Variants in NXPE2 observed in about 807,000 individuals in gnomAD.
NXPE2 encodes neurexophilin and PC-esterase domain family member 2, also known as NXPE family member 2.
In NXPE2, 34 loss-of-function variants were observed where a neutral mutation model predicts 34.4. The observed-to-expected ratio is 0.99, with a 90% CI of 0.75 to 1.31. NXPE2 has a LOEUF of 1.31. NXPE2 is among the 40% of genes most tolerant of loss of function. NXPE2 has a pLI of 0.00. For missense variants in NXPE2, 649 were observed against 672.5 expected (o/e 0.97, Z 0.39); for synonymous variants, 235 against 231.3 (o/e 1.02, Z -0.15).
At chr11:114,584,603 G>T in the NXPE2 span, 1 of 158,282 alleles carries the variant, frequency 6.3e-6, no homozygotes, top group Non-Finnish European at 1.4e-5. Flanking sequence ...GAAAAAGAGA[G>T]ACTCAGAGAT....
chr11:114,609,743 C>A, the NXPE2 span, among the ~76,000 whole-genome samples: 1 of 151,928 alleles, frequency 6.6e-6, no homozygotes, highest in East Asian at 1.9e-4. Context: ...TGGATAACCA[C>A]TGTTACCCGG....
chr11:114,582,704 C>T, the NXPE2 span: 6 of 1,614,040 alleles, frequency 3.7e-6, no homozygotes, highest in African/African-American at 8.0e-5. Flanking sequence ...TCCTGGCCCT[C>T]AGGAAATCCC....
At chr11:114,588,196 C>G in the NXPE2 span, among the ~76,000 whole-genome samples, 2 of 152,158 alleles carry the variant, frequency 1.3e-5, no homozygotes, top group Admixed American at 6.5e-5. Flanking sequence ...TCTGGGGCCC[C>G]CTCCAGCTGT....
At chr11:114,565,676 G>C in the NXPE2 span, among the ~76,000 whole-genome samples, 34 of 152,032 alleles carry the variant, frequency 2.2e-4, no homozygotes, top group Non-Finnish European at 4.6e-4. Context: ...AGATTGGAAT[G>C]ACAGGAAAGA....
chr11:114,758,694 T>C, the NXPE2 span, among the ~76,000 whole-genome samples: 3 of 152,040 alleles, frequency 2.0e-5, no homozygotes, highest in Non-Finnish European at 4.4e-5. Context: ...AGATTCCTTC[T>C]AAGGCTCTGA....
chr11:114,686,445 A>G (rs1054372603), intron 2 of NXPE2, among the ~76,000 whole-genome samples: 3 of 152,132 alleles, frequency 2.0e-5, no homozygotes, highest in East Asian at 1.9e-4. Context: ...AAAGGACATG[A>G]TTTTGTGCTT....
the NXPE2 span, among the ~76,000 whole-genome samples, chr11:114,757,766 T>G: frequency 3.2e-4 from 48 of 152,220 alleles, no homozygotes; most frequent in African/African-American, 1.1e-3. Flanking sequence ...GAAAAATAGT[T>G]GGGGTTCTTA....
the NXPE2 span, among the ~76,000 whole-genome samples, chr11:114,612,799 T>C: frequency 6.6e-6 from 1 of 151,924 alleles, no homozygotes; most frequent in African/African-American, 2.4e-5. Context: ...ATAATAAGTG[T>C]TGCCTCGTGG....
chr11:114,536,546 AAG>A, the NXPE2 span, among the ~76,000 whole-genome samples: 1 of 152,170 alleles, frequency 6.6e-6, no homozygotes, highest in Non-Finnish European at 1.5e-5. Flanking sequence ...AAGACTAATA[AAG>A]AAGAAAAGAG....
the NXPE2 span, chr11:114,523,041 G>T: frequency 6.2e-7 from 1 of 1,613,650 alleles, no homozygotes; most frequent in Non-Finnish European, 8.5e-7. Flanking sequence ...TAACCACCAG[G>T]GACAGGAGGC....
At chr11:114,601,978 T>G in the NXPE2 span, among the ~76,000 whole-genome samples, 1 of 77,356 alleles carries the variant, frequency 1.3e-5, no homozygotes, top group Non-Finnish European at 2.3e-5. Context: ...TATATTCTGT[T>G]ATATATAATA....
chr11:114,482,167 G>GA, the NXPE2 span, among the ~76,000 whole-genome samples: 1 of 152,074 alleles, frequency 6.6e-6, no homozygotes, highest in African/African-American at 2.4e-5. Flanking sequence ...ATACAGAGAT[G>GA]AAAAAAATAT....
At chr11:114,714,436 A>G in the NXPE2 span, among the ~76,000 whole-genome samples, 1 of 152,336 alleles carries the variant, frequency 6.6e-6, no homozygotes, top group Non-Finnish European at 1.5e-5. Flanking sequence ...GGACTTTTAT[A>G]CAGGTGATAA....
the NXPE2 span, among the ~76,000 whole-genome samples, chr11:114,804,397 C>G: frequency 6.6e-6 from 1 of 152,182 alleles, no homozygotes; most frequent in East Asian, 1.9e-4. Context: ...CTTTAAGGAA[C>G]ATGAAATGAT....
chr11:114,720,479 A>G, the NXPE2 span, among the ~76,000 whole-genome samples: 2,604 of 152,328 alleles, frequency 0.017, 78 homozygotes, highest in African/African-American at 0.057. Context: ...CCACATGTTC[A>G]GGTTCATACC....
chr11:114,516,605 G>A, the NXPE2 span, among the ~76,000 whole-genome samples: 1 of 151,878 alleles, frequency 6.6e-6, no homozygotes. Context: ...AACTTTTTTG[G>A]AATTCAGATA....
At chr11:114,547,360 G>A in the NXPE2 span, among the ~76,000 whole-genome samples, 1 of 152,202 alleles carries the variant, frequency 6.6e-6, no homozygotes, top group East Asian at 1.9e-4. Context: ...TGGAAGGACA[G>A]TTTACAAAAT....
At chr11:114,629,893 C>G in the NXPE2 span, among the ~76,000 whole-genome samples, 9 of 150,038 alleles carry the variant, frequency 6.0e-5, no homozygotes, top group Admixed American at 6.0e-4. Flanking sequence ...AAACAGAGAG[C>G]CAAATCATGA....
At chr11:114,568,282 C>T in the NXPE2 span, among the ~76,000 whole-genome samples, 2 of 152,048 alleles carry the variant, frequency 1.3e-5, no homozygotes, top group Non-Finnish European at 2.9e-5. Context: ...AAATATTCTG[C>T]CCCTTTTGCA....
Sources: allele counts gnomAD v4.1 joint callset (sites outside exome capture counted in the v4.1 genomes callset), GRCh38; gene constraint gnomAD v4.1.1; transcripts MANE v1.5; gene names NCBI Gene and HGNC (gene_info 2026-07-23, HGNC 2026-07-21).